Variants in CNOT1 observed in about 807,000 individuals in gnomAD.
The protein encoded by CNOT1 is CCR4-associated factor 1.
CNOT1 carries 15 observed loss-of-function variants against 273.8 expected under a neutral mutation model. The ratio of observed to expected loss-of-function variants is 0.05; its 90% CI spans 0.04 to 0.08. The LOEUF is 0.08. Ranked by LOEUF, CNOT1 falls within the 10% of genes least tolerant of loss-of-function variation. The pLI is 1.00. For synonymous variants in CNOT1, 1,022 were observed against 1,005.5 expected (o/e 1.02, Z -0.31); for missense variants, 1,644 against 2,912.2 (o/e 0.56, Z 10.02).
intron 8 of CNOT1, among the ~76,000 whole-genome samples, chr16:58,584,276 G>A (rs1429527120): frequency 2.0e-5 from 3 of 151,994 alleles, no homozygotes; most frequent in Non-Finnish European, 2.9e-5. Flanking sequence ...CATCCAAAGT[G>A]AGTTTTATTA....
chr16:58,554,930 C>A (rs1165644707), intron 21 of CNOT1, among the ~76,000 whole-genome samples: 3 of 12,332 alleles, frequency 2.4e-4, no homozygotes, highest in African/African-American at 1.1e-3. Context: ...AGCAAGACTC[C>A]ATCTCAAAAA....
At chr16:58,611,580 G>A (rs1254852910) in intron 1 of CNOT1, among the ~76,000 whole-genome samples, 1 of 152,132 alleles carries the variant, frequency 6.6e-6, no homozygotes, top group Non-Finnish European at 1.5e-5. Context: ...CAACACTTTG[G>A]GAGGCCAAGG....
At position 58,543,995 on chromosome 16, in the gene CNOT1, G is replaced by T. The variant is rs1452562553; in HGVS notation, c.4138-92C>A. The stretch of plus-strand genomic sequence containing the variant: ...TCACATTCATGATTTTGTAAATCAA[G>T]ATTAACCAAAAACTACCAGTTTCTA... On this transcript the variant is annotated intron_variant, in intron 30 of 48. Transcript: ENST00000317147. The T allele has an allele frequency of 7.5e-6, 11 of 1,466,964 alleles. No homozygotes were observed. The Middle Eastern group carries it at 7.0e-4, about 93-fold the overall frequency. 90.9% of individuals were successfully genotyped at this position (1,466,964 alleles called of 1,614,324 possible). A position where few individuals can be genotyped will look rare whatever the true frequency, so the allele number is the denominator to read the frequency against.
chr16:58,606,802 T>C (rs2042696901), intron 1 of CNOT1, among the ~76,000 whole-genome samples: 1 of 147,396 alleles, frequency 6.8e-6, no homozygotes, highest in Admixed American at 6.8e-5. Context: ...AGACACCGTA[T>C]CAAAAAAAAA....
At position 58,539,521 on chromosome 16, in the gene CNOT1, C is replaced by T. The variant is rs80128670; in HGVS notation, c.4992+247G>A. On this transcript the variant is annotated intron_variant, in intron 35 of 48. Transcript: ENST00000317147. ...CACACACACCCCTCTAAAGGGCTACCTTTTAAAGTTTCTTCAAATCACATT... is the reference window on the plus strand; with the variant it reads ...CACACACACCCCTCTAAAGGGCTACTTTTTAAAGTTTCTTCAAATCACATT... Among the ~76,000 whole-genome samples the T allele has an allele frequency of 4.6e-3, 600 of 130,160 alleles. 7 individuals carry two copies. Among genetic ancestry groups the T allele is most frequent in the East Asian group, 0.014 (60 of 4,172 alleles). 85.4% of individuals were successfully genotyped at this position (130,160 alleles called of 152,430 possible). A position where few individuals can be genotyped will look rare whatever the true frequency, so the allele number is the denominator to read the frequency against.
In CNOT1 at chr16:58,585,415, G is replaced by T; in HGVS notation, c.729C>A (p.Ser243=). 1 of 1,613,754 alleles carries T rather than the reference G, an allele frequency of 6.2e-7. No homozygotes were observed. Among genetic ancestry groups the T allele is most frequent in the Non-Finnish European group, 8.5e-7 (1 of 1,179,982 alleles). The change falls in exon 8 of 49, where the codon TCC becomes TCA. Residue 243 remains serine, a synonymous_variant. Transcript: ENST00000317147. ...DILMDRILPD[S]GGVAKTMMES... ...CCATCATGGTTTTAGCTACCCCTCC[G>T]GAATCAGGCAGGATCCTGTCCATTA...
chr16:58,528,355 G>GT (rs1567386563), intron 44 of CNOT1, 120 bp downstream of exon 44: 1 of 747,276 alleles, frequency 1.3e-6, no homozygotes. Flanking sequence ...CCTTTAAAGA[G>GT]TACCCTTAAC....
At chr16:58,543,151 AATT>A (rs2040146789) in intron 31 of CNOT1, 1 of 1,391,572 alleles carries the variant, frequency 7.2e-7, no homozygotes, top group East Asian at 3.0e-5. Flanking sequence ...GCAGTAAACA[AATT>A]ATTAATCATG....
At chr16:58,616,796 GA>G (rs1444804761) in intron 1 of CNOT1, among the ~76,000 whole-genome samples, 2 of 152,020 alleles carry the variant, frequency 1.3e-5, no homozygotes, top group Non-Finnish European at 2.9e-5. Context: ...TTTTGTGTTA[GA>G]ATCAGTGAAA....
At chr16:58,562,010 G>A (rs946323509) in intron 16 of CNOT1, among the ~76,000 whole-genome samples, 2 of 151,966 alleles carry the variant, frequency 1.3e-5, no homozygotes, top group African/African-American at 4.8e-5. Context: ...AGACCAGCCT[G>A]GCCAACATGG....
intron 16 of CNOT1, among the ~76,000 whole-genome samples, chr16:58,563,251 T>A (rs1597465706): frequency 6.6e-6 from 1 of 152,242 alleles, no homozygotes; most frequent in African/African-American, 2.4e-5. Flanking sequence ...TGTTTAAATA[T>A]ATAAATACCA....
At chr16:58,528,188 G>A in intron 44 of CNOT1, 1 of 526,318 alleles carries the variant, frequency 1.9e-6, no homozygotes, top group East Asian at 4.3e-5. Flanking sequence ...GCAAATGACT[G>A]CCCCAACACC....
intron 4 of CNOT1, 94 bp from the exon 5 acceptor site, chr16:58,587,507 G>A (rs2041914219): frequency 6.5e-7 from 1 of 1,532,138 alleles, no homozygotes; most frequent in Non-Finnish European, 8.8e-7. Flanking sequence ...GCACTACATA[G>A]GAGTTGCTTA....
chr16:58,528,506 C>T lies in CNOT1; in HGVS notation c.6422G>A (p.Arg2141Lys). ...LILSAFPRNM[R>K]LPDPFTPNLK... is the part of the protein sequence containing the mutation. ...ATTAGGAGTGAATGGGTCGGGGAGC[C>T]TCATGTTTCTTGGAAAGGCACTCAG... Residue 2141 changes from arginine to lysine, a missense_variant, in exon 44 of 49, where the codon AGG becomes AAG. Physicochemically the swap from Arg to Lys is conservative, Grantham distance 26. This residue lies in a region of CNOT1 where 140 missense variants were observed against 324.6 expected (regional missense o/e 0.43). Coordinates refer to ENST00000317147, the MANE Select transcript of CNOT1 (RefSeq NM_016284.5). 1 of 1,613,736 alleles carries T rather than the reference C, an allele frequency of 6.2e-7. No individual in the cohort carries two copies. The highest frequency in any genetic ancestry group is 8.5e-7 in the Non-Finnish European group (1 of 1,179,754).
At chr16:58,627,839 CT>C (rs947963093) in intron 1 of CNOT1, among the ~76,000 whole-genome samples, 1 of 151,886 alleles carries the variant, frequency 6.6e-6, no homozygotes, top group African/African-American at 2.4e-5. Context: ...TCATTCTAGA[CT>C]TTTTTTTGAG....
intron 46 of CNOT1, 80 bp from the exon 47 acceptor site, chr16:58,523,582 G>C: frequency 7.4e-7 from 1 of 1,351,944 alleles, no homozygotes; most frequent in Non-Finnish European, 1.0e-6. Flanking sequence ...CTAGGGTTTG[G>C]GTTTCTGACA....
Position 58,588,845 on chromosome 16 carries a change from A to G in CNOT1, c.164T>C (p.Val55Ala). The change falls in exon 3 of 49, where the codon GTG becomes GCG. Residue 55 changes from valine to alanine, a missense_variant. Val to Ala is a moderately conservative substitution (Grantham distance 64, BLOSUM62 0). Coordinates refer to ENST00000317147, the MANE Select transcript of CNOT1 (RefSeq NM_016284.5). ...GCTTTTACCATCGCCACTGAAATCCACATGCGAAAATAGGCAGCGTAATAA... is the reference window on the plus strand; with the variant it reads ...GCTTTTACCATCGCCACTGAAATCCGCATGCGAAAATAGGCAGCGTAATAA... Reference protein sequence around the residue: ...RHLLRCLFSHVDFSGDGKSSG... With the variant: ...RHLLRCLFSHADFSGDGKSSG... The G allele has an allele frequency of 6.2e-7, 1 of 1,614,010 alleles. No individual in the cohort carries two copies.
intron 21 of CNOT1, 112 bp downstream of exon 21, chr16:58,555,139 T>A: frequency 6.8e-7 from 1 of 1,469,982 alleles, no homozygotes; most frequent in Admixed American, 2.2e-5. Flanking sequence ...GCCCGCAAGG[T>A]CAAGGCTGCA....
In CNOT1 at chr16:58,530,307, T is replaced by G. The variant is rs751949269; in HGVS notation, c.6218A>C (p.Lys2073Thr). 6.2e-7 allele frequency: 1 copy of G among 1,612,282 alleles called. No homozygotes were observed. The highest frequency in any genetic ancestry group is 8.5e-7 in the Non-Finnish European group (1 of 1,178,792). The change falls in exon 43 of 49, where the codon AAA (lysine) becomes ACA (threonine). Residue 2073 changes from lysine (K) to threonine (T), a missense_variant. Transcript: ENST00000317147. ...ATTTCTAAGGAAAGGCGCTAAATAT[T>G]TGAATAAATCAATCAGTAGCTGTGC... ...MYAQLLIDLF[K>T]YLAPFLRNVE...
Sources: gnomAD v4.1 joint callset for allele counts (sites outside exome capture counted in the v4.1 genomes callset) on GRCh38, gnomAD v4.1.1 for gene constraint, gnomAD v4.1.1 regional missense constraint, MANE v1.5 for transcripts, NCBI Gene and HGNC (gene_info 2026-07-23, HGNC 2026-07-21) for gene names.